Variants in BTD observed in about 807,000 individuals in gnomAD.
BTD encodes the protein biotinidase.
In BTD, 13 loss-of-function variants were observed where a neutral mutation model predicts 17.7. The ratio of observed to expected loss-of-function variants is 0.74; its 90% confidence interval spans 0.48 to 1.17. BTD has a LOEUF of 1.17. Ranked by LOEUF, BTD falls within the 50% of genes most tolerant of loss-of-function variation. BTD has a pLI of 0.00. For synonymous variants in BTD, 240 were observed against 245.2 expected (o/e 0.98, Z 0.20); for missense variants, 674 against 650.4 (o/e 1.04, Z -0.39).
chr3:15,633,281 C>T (rs1044438772), intron 1 of BTD, among the ~76,000 whole-genome samples: 3 of 152,096 alleles, frequency 2.0e-5, no homozygotes, highest in Non-Finnish European at 4.4e-5. Flanking sequence ...TACTGAGGGC[C>T]GGCTGACTAG....
chr3:15,645,342 T>G lies in BTD; in HGVS notation c.1426T>G (p.Phe476Val). Residue 476 changes from phenylalanine to valine, a missense_variant, in exon 4 of 4, where the codon TTT becomes GTT. Physicochemically the swap from Phe to Val is conservative, Grantham distance 50 (BLOSUM62 -1). Coordinates refer to ENST00000643237, the MANE Select transcript of BTD (RefSeq NM_001370658.1). Reference sequence around the variant, plus strand: ...GGGCAACTTCAGTACTTCCTATATCTTTCCTTTGTTTCTGACCTCAGGGAT... The same window carrying G: ...GGGCAACTTCAGTACTTCCTATATCGTTCCTTTGTTTCTGACCTCAGGGAT... ...LWGNFSTSYI[F>V]PLFLTSGMTL... 1 of 1,614,216 alleles carries G rather than the reference T, an allele frequency of 6.2e-7. No homozygotes were observed. The highest frequency in any genetic ancestry group is 2.2e-5 in the East Asian group (1 of 44,884).
chr3:15,695,991 G>T, intron 3 of BTD: 1 of 639,516 alleles, frequency 1.6e-6, no homozygotes. Context: ...ACTAAAGCAA[G>T]TGTGAATTTA....
At chr3:15,678,033 T>A (rs1333332024) in intron 3 of BTD, among the ~76,000 whole-genome samples, 1 of 152,140 alleles carries the variant, frequency 6.6e-6, no homozygotes, top group African/African-American at 2.4e-5. Context: ...TCCTCAATAG[T>A]CAGGGCAAAC....
chr3:15,641,303 C>T (rs2065498613), intron 2 of BTD, among the ~76,000 whole-genome samples: 2 of 152,170 alleles, frequency 1.3e-5, no homozygotes, highest in Non-Finnish European at 2.9e-5. Context: ...TTGCCTCTTA[C>T]CCACTGGCCC....
intron 1 of BTD, among the ~76,000 whole-genome samples, chr3:15,633,476 AT>A (rs2065264867): frequency 6.6e-6 from 1 of 152,232 alleles, no homozygotes; most frequent in South Asian, 2.1e-4. Flanking sequence ...TCTTCTCCAG[AT>A]AGAAAGAAAT....
At chr3:15,618,019 G>A (rs2064840586) in intron 1 of BTD, among the ~76,000 whole-genome samples, 1 of 152,192 alleles carries the variant, frequency 6.6e-6, no homozygotes, top group South Asian at 2.1e-4. Flanking sequence ...GCAGTGGCGT[G>A]ATCATAGCTC....
chr3:15,606,908 T>G (rs914628845), intron 1 of BTD: 1 of 151,952 alleles, frequency 6.6e-6, no homozygotes, highest in South Asian at 2.1e-4. Context: ...CTTAAAACAT[T>G]ATGAGATTTA....
intron 1 of BTD, among the ~76,000 whole-genome samples, chr3:15,622,002 T>C (rs767728515): frequency 2.6e-5 from 4 of 152,228 alleles, no homozygotes; most frequent in Admixed American, 6.5e-5. Flanking sequence ...TCTGTAGTTA[T>C]GTGCCCTCTT....
rs1050381705 is a variant in BTD, at chr3:15,648,067, T to C, written c.*2579T>C. Among the ~76,000 whole-genome samples the C allele has an allele frequency of 6.6e-6, 1 of 152,060 alleles. No homozygotes were observed. Among genetic ancestry groups the C allele is most frequent in the Non-Finnish European group, 1.5e-5 (1 of 68,016 alleles). On this transcript the variant is annotated 3_prime_UTR_variant, in exon 4 of 4. Coordinates refer to ENST00000643237, the MANE Select transcript of BTD (RefSeq NM_001370658.1). ...GCCCCCACCCCCCAGCCATGGTATA[T>C]TGAACCAGGAGGAGGCACCCAGCCC...
rs892121822 is a variant in BTD, at chr3:15,635,946, T to C, written c.249+258T>C. On this transcript the variant is annotated intron_variant, in intron 2 of 3. Coordinates refer to ENST00000643237, the MANE Select transcript of BTD (RefSeq NM_001370658.1). The surrounding 1 kb of genome is among the most constrained non-coding windows in gnomAD (Gnocchi z 4.1). Reference sequence around the variant, plus strand: ...CAGACCTACTGAATCAGAATGTGCATTGCAGCAGGATCCCCAGGTGATGCT... The same window carrying C: ...CAGACCTACTGAATCAGAATGTGCACTGCAGCAGGATCCCCAGGTGATGCT... 6.6e-6 allele frequency among the ~76,000 whole-genome samples: 1 copy of C among 152,158 alleles called. No homozygotes were observed. The highest frequency in any genetic ancestry group is 1.5e-5 in the Non-Finnish European group (1 of 68,014).
chr3:15,651,774 T>C lies in BTD; in HGVS notation c.*6286T>C, dbSNP rs1309376936. Among the ~76,000 whole-genome samples, 1 of 152,190 alleles carries C rather than the reference T, an allele frequency of 6.6e-6. No individual in the cohort carries two copies. The highest frequency in any genetic ancestry group is 2.4e-5 in the African/African-American group (1 of 41,440). ...AGAGGGGTAGAGTATGCAGGGAAGA[T>C]AAATGCAGCCCTGGCATGGTTCTTC... is the stretch of plus-strand genomic sequence containing the variant. On this transcript the variant is annotated 3_prime_UTR_variant, in exon 4 of 4. Coordinates refer to ENST00000643237, the MANE Select transcript of BTD (RefSeq NM_001370658.1).
At chr3:15,676,011 A>T (rs114586253) in intron 3 of BTD, 1 of 1,588,476 alleles carries the variant, frequency 6.3e-7, no homozygotes. Flanking sequence ...AACATGATAC[A>T]TGTACACATA....
At chr3:15,633,674 T>C (rs970230603) in intron 1 of BTD, among the ~76,000 whole-genome samples, 1 of 152,222 alleles carries the variant, frequency 6.6e-6, no homozygotes, top group Non-Finnish European at 1.5e-5. Flanking sequence ...GTTCATACCC[T>C]CCTCTCCTGG....
intron 3 of BTD, among the ~76,000 whole-genome samples, chr3:15,671,344 T>C (rs2066325999): frequency 1.3e-5 from 2 of 152,142 alleles, no homozygotes; most frequent in Non-Finnish European, 2.9e-5. Flanking sequence ...GAAGTGATAA[T>C]AGTGTGATGC....
chr3:15,673,062 C>A (rs2066545511), intron 3 of BTD, among the ~76,000 whole-genome samples: 1 of 152,234 alleles, frequency 6.6e-6, no homozygotes, highest in Admixed American at 6.5e-5. Flanking sequence ...TAGGCATGGG[C>A]CACCATGCCC....
chr3:15,606,774 G>C (rs2064467872), intron 1 of BTD: 1 of 152,152 alleles, frequency 6.6e-6, no homozygotes, highest in African/African-American at 2.4e-5. Flanking sequence ...TTTGAGTTCT[G>C]GCTCACTGGA....
downstream of BTD, among the ~76,000 whole-genome samples, chr3:15,656,535 G>A (rs896729681): frequency 2.0e-5 from 3 of 152,212 alleles, no homozygotes; most frequent in African/African-American, 7.2e-5. Flanking sequence ...ATTGACTCAA[G>A]TGGCACCCTT....
intron 3 of BTD, among the ~76,000 whole-genome samples, chr3:15,696,953 A>T (rs2069673014): frequency 6.6e-6 from 1 of 152,224 alleles, no homozygotes; most frequent in African/African-American, 2.4e-5. Flanking sequence ...ACCCAGGGGA[A>T]AAGAAGTCAT....
chr3:15,601,943 C>A (rs769229686), intron 1 of BTD, 49 bp downstream of exon 1: 1 of 1,602,278 alleles, frequency 6.2e-7, no homozygotes, highest in Non-Finnish European at 8.5e-7. Context: ...TAAGGGCGTG[C>A]GGTCCAGACC....
Sources: gnomAD v4.1 joint callset for allele counts (sites outside exome capture counted in the v4.1 genomes callset) on GRCh38, gnomAD v4.1.1 for gene constraint, Gnocchi (gnomAD v3.1) non-coding constraint, MANE v1.5 for transcripts, NCBI Gene and HGNC (gene_info 2026-07-23, HGNC 2026-07-21) for gene names.